Variants in PDZD4 observed in about 807,000 individuals in gnomAD.
The protein encoded by PDZD4 is PDZ domain containing 4.
In PDZD4, 9 loss-of-function variants were observed where a neutral mutation model predicts 38.5. The ratio of observed to expected loss-of-function variants is 0.23; its 90% confidence interval spans 0.14 to 0.41. The LOEUF is 0.41. Among genes scored for constraint, PDZD4 ranks in the 10% least tolerant of loss-of-function variants. The pLI is 1.00. For missense variants in PDZD4, 612 were observed against 722.0 expected (o/e 0.85, Z 1.75); for synonymous variants, 349 against 315.7 (o/e 1.11, Z -1.12).
Position 153,803,028 on chromosome X carries a change from GCGTGCA to G in PDZD4, c.*319_*324del, listed in dbSNP as rs2092183023. On this transcript the variant is annotated 3_prime_UTR_variant, in exon 8 of 8. Transcript: ENST00000393758. ...TGGAGAGAGCACTGGGTGTGTGTGT[GCGTGCA>G]CGTGCAAGCACACGCAAGAGCATGG... 1 of 185,928 alleles carries G rather than the reference GCGTGCA, an allele frequency of 5.4e-6. No homozygotes were observed. Among genetic ancestry groups the G allele is most frequent in the South Asian group, 3.0e-4 (1 of 3,386 alleles). The allele number at this position is 185,928 out of a possible 1,213,427, so 15.3% of individuals were successfully genotyped here. A position where few individuals can be genotyped will look rare whatever the true frequency, so the allele number is the denominator to read the frequency against.
In PDZD4 at chrX:153,804,050, C is replaced by T. The variant is rs1557075766; in HGVS notation, c.1631G>A (p.Arg544Gln). The T allele has an allele frequency of 5.2e-6, 6 of 1,158,377 alleles. No individual in the cohort carries two copies. Among genetic ancestry groups the T allele is most frequent in the Non-Finnish European group, 6.9e-6 (6 of 871,576 alleles). ...RSLSRDPEAG[R>Q]RQHAEERGRR... ...GCCGCGCTCCTCCGCGTGCTGCCTC[C>T]GGCCGGCCTCAGGATCCCGGGAGAG... The change falls in exon 8 of 8, where the codon CGG becomes CAG. Residue 544 changes from arginine (R) to glutamine (Q), a missense_variant. By Grantham distance (43) the Arg-to-Gln change is conservative (BLOSUM62 1). Transcript: ENST00000393758.
chrX:153,818,594 C>CTA (rs2064385637), intron 1 of PDZD4, among the ~76,000 whole-genome samples: 1 of 110,068 alleles, frequency 9.1e-6, no homozygotes, highest in African/African-American at 3.3e-5. Flanking sequence ...GGGAGAGAGA[C>CTA]TAGAAAGTCC....
chrX:153,804,071 G>C lies in PDZD4; in HGVS notation c.1610C>G (p.Ser537Cys). 1 of 1,158,545 alleles carries C rather than the reference G, an allele frequency of 8.6e-7. No homozygotes were observed. The highest frequency in any genetic ancestry group is 1.1e-6 in the Non-Finnish European group (1 of 871,877). The change falls in exon 8 of 8, where the codon TCC (serine) becomes TGC (cysteine). Residue 537 changes from serine to cysteine, a missense_variant. By Grantham distance (112) the Ser-to-Cys change is moderately radical. Around this residue, in one of 3 missense-constraint regions of PDZD4, gnomAD observed 300 missense variants for 284.6 expected, o/e 1.05. Coordinates refer to ENST00000393758, the MANE Select transcript of PDZD4 (RefSeq NM_001303512.2). ...PGSPAKFRSL[S>C]RDPEAGRRQH... ...CCTCCGGCCGGCCTCAGGATCCCGG[G>C]AGAGGGACCGGAACTTGGCGGGGCT...
chrX:153,803,470 C>T lies in PDZD4; in HGVS notation c.2211G>A (p.Lys737=). The T allele has an allele frequency of 1.7e-6, 2 of 1,160,049 alleles. No homozygotes were observed. The highest frequency in any genetic ancestry group is 2.0e-5 in the South Asian group (1 of 48,930). Residue 737 remains lysine (K), a synonymous_variant, in exon 8 of 8, where the codon AAG becomes AAA. Transcript: ENST00000393758. ...AGTTGTCCAGGATCTTCTTGTTCCG[C>T]TTCTTCATGGTTTTGCGGTGGCTCA... ...IALSHRKTMK[K]RNKKILDNWI...
intron 1 of PDZD4, among the ~76,000 whole-genome samples, chrX:153,822,590 C>T (rs1001228823): frequency 1.8e-5 from 2 of 111,315 alleles, no homozygotes; most frequent in Admixed American, 9.5e-5. Flanking sequence ...CCACATATGC[C>T]TCCGCTTTGT....
At position 153,808,434 on chromosome X, in the gene PDZD4, G is replaced by A. The variant is rs374522151; in HGVS notation, c.222C>T (p.Thr74=). ...CCATGATATGCTCGAAGGTGATGTCGGTCTGAGTGCCACTGTCCACCAGCT... is the reference window on the plus strand; with the variant it reads ...CCATGATATGCTCGAAGGTGATGTCAGTCTGAGTGCCACTGTCCACCAGCT... The part of the protein sequence containing the change: ...DLQLVDSGTQ[T]DITFEHIMAL... The change falls in exon 2 of 8, where the codon ACC becomes ACT. Residue 74 remains threonine (T), a synonymous_variant. Coordinates refer to ENST00000393758, the MANE Select transcript of PDZD4 (RefSeq NM_001303512.2). The A allele has an allele frequency of 1.6e-5, 19 of 1,210,213 alleles. No homozygotes were observed. Among genetic ancestry groups the A allele is most frequent in the Admixed American group, 2.2e-5 (1 of 46,007 alleles).
intron 2 of PDZD4, chrX:153,807,990 G>A: frequency 9.9e-7 from 1 of 1,014,657 alleles, no homozygotes; most frequent in Non-Finnish European, 1.3e-6. Context: ...AGAGCAGGTA[G>A]AGGAATGAGA....
Position 153,803,758 on chromosome X carries a change from G to A in PDZD4, c.1923C>T (p.Tyr641=), listed in dbSNP as rs1333861711. 4.1e-6 allele frequency: 5 copies of A among 1,207,937 alleles called. No homozygotes were observed. The African/African-American group carries it at 6.9e-5, about 17-fold the overall frequency. Residue 641 remains tyrosine (Y), a synonymous_variant, in exon 8 of 8, where the codon TAC becomes TAT. Coordinates refer to ENST00000393758, the MANE Select transcript of PDZD4 (RefSeq NM_001303512.2). ...KVKVRSDGTR[Y]VAKRPVRDRL... is the part of the protein sequence containing the mutation. ...GATCTCGCACGGGCCGCTTGGCCAC[G>A]TAGCGGGTTCCGTCGCTGCGCACCT...
rs7053526 is a variant in PDZD4, at chrX:153,828,581, T to C, written c.60+1658A>G. Among the ~76,000 whole-genome samples, 480 of 112,313 alleles carry C rather than the reference T, an allele frequency of 4.3e-3. 2 individuals carry two copies. Among genetic ancestry groups the C allele is most frequent in the African/African-American group, 0.015 (461 of 30,954 alleles). ...GGCCCAGCCCGACCTGCCGAGGCCTTCCCGGAGGGCTGTGGGGAGCCCCAA... is the reference window on the plus strand; with the variant it reads ...GGCCCAGCCCGACCTGCCGAGGCCTCCCCGGAGGGCTGTGGGGAGCCCCAA... On this transcript the variant is annotated intron_variant, in intron 1 of 7. Coordinates refer to ENST00000393758, the MANE Select transcript of PDZD4 (RefSeq NM_001303512.2).
At chrX:153,810,468 C>T (rs1202598128) in intron 1 of PDZD4, among the ~76,000 whole-genome samples, 2 of 112,595 alleles carry the variant, frequency 1.8e-5, no homozygotes, top group South Asian at 3.6e-4. Context: ...GAGGGCAGGG[C>T]GAGGAGACCC....
chrX:153,806,303 G>A (rs1433463452), intron 4 of PDZD4, among the ~76,000 whole-genome samples, 170 bp from the exon 5 acceptor site: 3 of 112,030 alleles, frequency 2.7e-5, no homozygotes, highest in African/African-American at 6.5e-5. Context: ...ACCTCTCCCC[G>A]CCCCTGCCCT....
chrX:153,829,011 G>A (rs1169415240), intron 1 of PDZD4, among the ~76,000 whole-genome samples: 1 of 112,211 alleles, frequency 8.9e-6, no homozygotes, highest in Non-Finnish European at 1.9e-5. Context: ...GCGAACGGGA[G>A]AAGCCGAGGG....
chrX:153,818,251 A>G (rs891642917), intron 1 of PDZD4, among the ~76,000 whole-genome samples: 2 of 109,488 alleles, frequency 1.8e-5, no homozygotes, highest in Non-Finnish European at 3.8e-5. Flanking sequence ...GTCTCAAACA[A>G]AAAAAGAATC....
intron 4 of PDZD4, 104 bp downstream of exon 4, chrX:153,806,638 C>A: frequency 1.4e-6 from 1 of 711,331 alleles, no homozygotes; most frequent in Non-Finnish European, 2.2e-6. Context: ...AGCACCCTAG[C>A]TGTGATGCCC....
chrX:153,821,565 AG>A (rs2064424333), intron 1 of PDZD4, among the ~76,000 whole-genome samples: 1 of 111,360 alleles, frequency 9.0e-6, no homozygotes, highest in Non-Finnish European at 1.9e-5. Context: ...TCCCTACCCA[AG>A]GCCCTGGCTA....
intron 1 of PDZD4, among the ~76,000 whole-genome samples, chrX:153,828,594 T>TG (rs2064506578): frequency 8.9e-6 from 1 of 112,523 alleles, no homozygotes; most frequent in Admixed American, 9.3e-5. Flanking sequence ...CGGAGGGCTG[T>TG]GGGGAGCCCC....
At chrX:153,829,925 T>C in intron 1 of PDZD4, 1 of 816,804 alleles carries the variant, frequency 1.2e-6, no homozygotes, top group Non-Finnish European at 1.5e-6. Flanking sequence ...TCCCCCGCCC[T>C]GGGTCCTGCG....
chrX:153,823,719 T>C (rs989634802), intron 1 of PDZD4, among the ~76,000 whole-genome samples: 6 of 112,248 alleles, frequency 5.3e-5, no homozygotes, highest in Non-Finnish European at 1.1e-4. Flanking sequence ...CCCAGTGAGA[T>C]CCCGGGGGAC....
At chrX:153,828,420 G>T in intron 1 of PDZD4, among the ~76,000 whole-genome samples, 1 of 113,279 alleles carries the variant, frequency 8.8e-6, no homozygotes, top group African/African-American at 3.2e-5. Flanking sequence ...AGCCCAGCAG[G>T]AAAGCGCACA....
Sources: allele counts gnomAD v4.1 joint callset (sites outside exome capture counted in the v4.1 genomes callset), GRCh38; gene constraint gnomAD v4.1.1; regional missense constraint gnomAD v4.1.1; transcripts MANE v1.5; gene names NCBI Gene and HGNC (gene_info 2026-07-23, HGNC 2026-07-21).